The following TNNT2 variants were observed in gnomAD, a reference collection of about 807,000 sequenced individuals.
TNNT2 encodes troponin T2, cardiac type.
Under a neutral mutation model 62.4 loss-of-function variants are expected in TNNT2, and 34 were observed. The ratio of observed to expected loss-of-function variants is 0.54; its 90% CI spans 0.41 to 0.72. The LOEUF is 0.72. Among genes scored for constraint, TNNT2 ranks in the 30% least tolerant of loss-of-function variants. TNNT2 has a pLI of 0.00. For missense variants in TNNT2, 275 were observed against 381.9 expected, an observed-to-expected ratio of 0.72 and a Z score of 2.33; for synonymous variants, 123 against 127.2, an observed-to-expected ratio of 0.97 and a Z score of 0.22.
chr1:201,369,856 G>T lies in TNNT2; in HGVS notation c.68-11C>A, dbSNP rs376561727. 5.0e-6 allele frequency: 8 copies of T among 1,614,056 alleles called. No individual in the cohort carries two copies. The highest frequency in any genetic ancestry group is 6.8e-6 in the Non-Finnish European group (8 of 1,180,032). ...TCCAGTCCTCCTCTTCTGAGGTTCA[G>T]GGAGTGGCCGCAGCGGAGGGGAAAA... On this transcript the variant is annotated splice_polypyrimidine_tract_variant and intron_variant, in intron 4 of 16. Coordinates refer to ENST00000656932, the MANE Select transcript of TNNT2 (RefSeq NM_001276345.2).
intron 7 of TNNT2, 47 bp from the exon 8 acceptor site, chr1:201,366,918 G>A: frequency 6.2e-7 from 1 of 1,614,010 alleles, no homozygotes; most frequent in Non-Finnish European, 8.5e-7. Context: ...GGCCCCAGAA[G>A]TGGTCCCAAC....
intron 7 of TNNT2, chr1:201,367,530 G>A: frequency 1.6e-6 from 1 of 620,884 alleles, no homozygotes; most frequent in Non-Finnish European, 2.9e-6. Flanking sequence ...CCAGACCAGG[G>A]GGCTGGACAA....
At chr1:201,361,439 C>A in intron 14 of TNNT2, 70 bp from the exon 15 acceptor site, 1 of 1,398,654 alleles carries the variant, frequency 7.1e-7, no homozygotes, top group South Asian at 1.2e-5. Context: ...GTCCTGGTCC[C>A]GGCCCAGCCC....
chr1:201,370,839 A>G (rs1660511574), intron 4 of TNNT2, among the ~76,000 whole-genome samples: 1 of 152,258 alleles, frequency 6.6e-6, no homozygotes, highest in African/African-American at 2.4e-5. Context: ...AAATCCTCCA[A>G]AACAAAGGAA....
rs45509695 is a variant in TNNT2 at position 201,359,785 on chromosome 1, G to C, written c.811-122C>G. ...AGTGCAGGAGGAGAAGGAGGAGCATGGAAGAGTAGGAGGGGTTAGGATAGT... is the reference window on the plus strand; with the variant it reads ...AGTGCAGGAGGAGAAGGAGGAGCATCGAAGAGTAGGAGGGGTTAGGATAGT... On this transcript the variant is annotated intron_variant, in intron 15 of 16. Transcript: ENST00000656932. 0.14 allele frequency: 121,670 copies of C among 856,660 alleles called. 13,285 individuals are homozygous for C. The highest frequency in any genetic ancestry group is 0.47 in the African/African-American group (27,997 of 59,130). The allele number at this position is 856,660 out of a possible 1,614,324, so 53.1% of individuals were successfully genotyped here.
intron 8 of TNNT2, 112 bp from the exon 9 acceptor site, chr1:201,365,782 G>T: frequency 2.6e-6 from 4 of 1,552,814 alleles, no homozygotes; most frequent in Non-Finnish European, 3.5e-6. Context: ...GCACTGCCCC[G>T]ACCAACCACA....
chr1:201,373,225 C>G lies in TNNT2; in HGVS notation c.30G>C (p.Glu10Asp). Residue 10 changes from glutamate (E) to aspartate (D), a missense_variant, in exon 2 of 17, where the codon GAG (glutamate) becomes GAC (aspartate). Glu to Asp is a conservative substitution (Grantham distance 45). Transcript: ENST00000656932. Reference protein sequence around the residue: MSDIEEVVEEYEEEEQEEAA... With the variant: MSDIEEVVEDYEEEEQEEAA... ...CTCCAGATACTCACTCCTCCTCGTA[C>G]TCTTCCACCACCTCTTCTATGTCAG... The G allele has an allele frequency of 1.9e-6, 3 of 1,614,200 alleles. No individual in the cohort carries two copies. Among genetic ancestry groups the G allele is most frequent in the Non-Finnish European group, 1.7e-6 (2 of 1,180,026 alleles).
In TNNT2 at chr1:201,361,503, C is replaced by A. The variant is rs1463440559; in HGVS notation, c.720-134G>T. ...CAGGCCTGCCAAGGGTACCCCAGCCCACCCCCTGGGCCTGACCCAGCCTGG... is the reference window on the plus strand; with the variant it reads ...CAGGCCTGCCAAGGGTACCCCAGCCAACCCCCTGGGCCTGACCCAGCCTGG... On this transcript the variant is annotated intron_variant, in intron 14 of 16. Coordinates refer to ENST00000656932, the MANE Select transcript of TNNT2 (RefSeq NM_001276345.2). The A allele has an allele frequency of 3.5e-5, 31 of 883,656 alleles. No homozygotes were observed. In the South Asian group the frequency reaches 3.9e-4, roughly 11 times the overall value. 54.7% of individuals were successfully genotyped at this position (883,656 alleles called of 1,614,324 possible). A position where few individuals can be genotyped will look rare whatever the true frequency, so the allele number is the denominator to read the frequency against.
rs587780969 is a variant in TNNT2, at chr1:201,365,326, G to A, written c.295-19C>T. On this transcript the variant is annotated intron_variant, in intron 9 of 16. Transcript: ENST00000656932. Reference sequence around the variant, plus strand: ...GGATGTCCTGTGGGTGGACCGCTGCGGCTCAGAGGCTGCCACTCCAAAGAG... The same window carrying A: ...GGATGTCCTGTGGGTGGACCGCTGCAGCTCAGAGGCTGCCACTCCAAAGAG... 2.2e-5 allele frequency: 35 copies of A among 1,598,648 alleles called. No homozygotes were observed. In the East Asian group the frequency reaches 4.7e-4, roughly 21 times the overall value.
intron 8 of TNNT2, chr1:201,366,442 A>G (rs1659678652): frequency 8.9e-7 from 1 of 1,120,732 alleles, no homozygotes; most frequent in African/African-American, 1.6e-5. Flanking sequence ...CAGCTCTCTG[A>G]AGCCGCCATG....
Position 201,365,889 on chromosome 1 carries a change from A to G in TNNT2, c.234-219T>C, listed in dbSNP as rs1659575768. On this transcript the variant is annotated intron_variant, in intron 8 of 16. Transcript: ENST00000656932. ...TCTTTCACATATGCTATTTCACTTC[A>G]TGCTCATGATATGCCCATGAAGTGG... 10 of 1,414,372 alleles carry G rather than the reference A, an allele frequency of 7.1e-6. No individual in the cohort carries two copies. The South Asian group carries it at 1.1e-4, about 16-fold the overall frequency. The allele number at this position is 1,414,372 out of a possible 1,614,324, so 87.6% of individuals were successfully genotyped here.
At chr1:201,365,506 C>T (rs1659497996) in intron 9 of TNNT2, 104 bp downstream of exon 9, 1 of 1,363,404 alleles carries the variant, frequency 7.3e-7, no homozygotes, top group South Asian at 1.2e-5. Flanking sequence ...TGCACCCCAT[C>T]CCACCTATGC....
intron 12 of TNNT2, chr1:201,363,077 T>C (rs974918007): frequency 1.0e-6 from 1 of 983,510 alleles, no homozygotes; most frequent in East Asian, 1.1e-4. Flanking sequence ...CCCCAGGCTC[T>C]GCCTGTAGCC....
intron 12 of TNNT2, among the ~76,000 whole-genome samples, chr1:201,362,776 G>T (rs1036129078): frequency 2.6e-5 from 4 of 152,206 alleles, no homozygotes; most frequent in Admixed American, 2.6e-4. Flanking sequence ...GGGCACAAAA[G>T]TTAGGGATCG....
chr1:201,375,306 T>C (rs2102328716), intron 1 of TNNT2: 1 of 152,352 alleles, frequency 6.6e-6, no homozygotes, highest in East Asian at 1.9e-4. Context: ...GTTCCCATTA[T>C]GTCCAGTTCT....
rs551048403 is a variant in TNNT2 at position 201,370,123 on chromosome 1, G to T, written c.68-278C>A. On this transcript the variant is annotated intron_variant, in intron 4 of 16. Coordinates refer to ENST00000656932, the MANE Select transcript of TNNT2 (RefSeq NM_001276345.2). ...CTGAATGACCTAGCGTGCATAGAGC[G>T]CCCAGCAGGTGCCTGGCACAAGAGG... Among the ~76,000 whole-genome samples, 6 of 152,348 alleles carry T rather than the reference G, an allele frequency of 3.9e-5. No homozygotes were observed. The South Asian group carries it at 1.2e-3, about 32-fold the overall frequency.
Position 201,359,180 on chromosome 1 carries a change from G to A in TNNT2, c.*30C>T, listed in dbSNP as rs752096322. The A allele has an allele frequency of 2.5e-6, 4 of 1,603,320 alleles. No homozygotes were observed. The highest frequency in any genetic ancestry group is 3.4e-6 in the Non-Finnish European group (4 of 1,175,946). ...CAGGCCGGAGGCAGGTGCGAGCGAGGAGCAGATCTTTGGTGAAGGAGGCCA... is the reference window on the plus strand; with the variant it reads ...CAGGCCGGAGGCAGGTGCGAGCGAGAAGCAGATCTTTGGTGAAGGAGGCCA... On this transcript the variant is annotated 3_prime_UTR_variant, in exon 17 of 17. Coordinates refer to ENST00000656932, the MANE Select transcript of TNNT2 (RefSeq NM_001276345.2).
At chr1:201,363,136 A>G (rs1170249368) in intron 12 of TNNT2, 160 bp downstream of exon 12, 1 of 985,086 alleles carries the variant, frequency 1.0e-6, no homozygotes, top group Non-Finnish European at 1.2e-6. Context: ...CAGGCTGAAA[A>G]CCAGCTCAGG....
rs1660232466 is a variant in TNNT2 at position 201,369,397 on chromosome 1, C to A, written c.97+419G>T. The stretch of plus-strand genomic sequence containing the variant: ...CCAGAGGACTCTGTCCCCAGACCCC[C>A]CAACCAACACCTGGCCACCCTGCTT... On this transcript the variant is annotated intron_variant, in intron 5 of 16. Transcript: ENST00000656932. 3 of 475,770 alleles carry A rather than the reference C, an allele frequency of 6.3e-6. No homozygotes were observed. In the Admixed American group the frequency reaches 7.0e-5, roughly 11 times the overall value. 29.5% of individuals were successfully genotyped at this position (475,770 alleles called of 1,614,324 possible). A position where few individuals can be genotyped will look rare whatever the true frequency, so the allele number is the denominator to read the frequency against.
Sources: allele counts gnomAD v4.1 joint callset (sites outside exome capture counted in the v4.1 genomes callset), GRCh38; gene constraint gnomAD v4.1.1; transcripts MANE v1.5; gene names NCBI Gene and HGNC (gene_info 2026-07-23, HGNC 2026-07-21).